MUC6: variants seen among roughly 807,000 people sequenced by gnomAD.
MUC6 encodes mucin 6, oligomeric mucus/gel-forming (gene/pseudogene).
In MUC6, 188 loss-of-function variants were observed where a neutral mutation model predicts 201.5. The ratio of observed to expected loss-of-function variants is 0.93; its 90% CI spans 0.83 to 1.05. The LOEUF (loss-of-function observed/expected upper bound fraction) is 1.05. MUC6 is among the 50% of genes least tolerant of loss of function. The pLI, the probability that MUC6 is intolerant of heterozygous loss-of-function variation, is 0.00. For missense variants in MUC6, 2,706 were observed against 3,256.9 expected, an observed-to-expected ratio of 0.83 and a Z score of 4.12; for synonymous variants, 1,228 against 1,389.4, an observed-to-expected ratio of 0.88 and a Z score of 2.58.
chr11:1,020,225 C>T lies in MUC6; in HGVS notation c.3673G>A (p.Gly1225Arg). The T allele has an allele frequency of 6.2e-7, 1 of 1,610,126 alleles. No homozygotes were observed. The highest frequency in any genetic ancestry group is 8.5e-7 in the Non-Finnish European group (1 of 1,178,870). Residue 1225 changes from glycine (G) to arginine (R), a missense_variant, in exon 29 of 33, where the codon GGA (glycine) becomes AGA (arginine). By Grantham distance (125) the Gly-to-Arg change is moderately radical. Around this residue, in one of 10 missense-constraint regions of MUC6, gnomAD observed 1,850 missense variants for 1,958.3 expected, o/e 0.94. Coordinates refer to ENST00000421673, the MANE Select transcript of MUC6 (RefSeq NM_005961.3). ...AGAAGCCCGATGGTGGTGGAGGTTC[C>T]CGTCATGGGCCAGACTTGCGTGGGC... ...SRPTQVWPMT[G>R]TSTTIGLLSS...
chr11:1,036,367 C>T (rs753154443), intron 1 of MUC6, among the ~76,000 whole-genome samples: 17 of 152,152 alleles, frequency 1.1e-4, no homozygotes, highest in Non-Finnish European at 2.1e-4. Context: ...CACAGGAGGG[C>T]GTCCCTGCCC....
chr11:1,015,409 C>T (rs1458624157), intron 31 of MUC6, among the ~76,000 whole-genome samples: 4 of 152,202 alleles, frequency 2.6e-5, no homozygotes, highest in Non-Finnish European at 5.9e-5. Flanking sequence ...CTGACATCCT[C>T]TGAGCAACCA....
In MUC6 at chr11:1,016,648, C is replaced by G; in HGVS notation, c.6153G>C (p.Thr2051=). 1 of 1,604,390 alleles carries G rather than the reference C, an allele frequency of 6.2e-7. No homozygotes were observed. Among genetic ancestry groups the G allele is most frequent in the East Asian group, 2.2e-5 (1 of 44,886 alleles). ...TGTGGGTGGACCCTGTGGCCTTGAG[C>G]GTTGTTGGTGGAGGAACGGTGCCTG... The part of the protein sequence containing the change: ...TPTGTVPPPT[T]LKATGSTHTA... Residue 2051 remains threonine, a synonymous_variant, in exon 31 of 33, where the codon ACG becomes ACC. Coordinates refer to ENST00000421673, the MANE Select transcript of MUC6 (RefSeq NM_005961.3).
intron 1 of MUC6, among the ~76,000 whole-genome samples, chr11:1,034,852 G>A (rs1250286830): frequency 5.9e-5 from 9 of 152,154 alleles, no homozygotes; most frequent in South Asian, 4.1e-4. Context: ...CGCCGCCCTC[G>A]CCCTGCCCCA....
At position 1,016,580 on chromosome 11, in the gene MUC6, G is replaced by A. The variant is rs781421526; in HGVS notation, c.6221C>T (p.Thr2074Ile). ...MTVTTSGTSQ[T>I]HSSFSTATAS... is the part of the protein sequence containing the mutation. ...TGTAGCTGTGCTGAATGAGCTGTGGGTTTGGCTGGTCCCACTGGTGGTCAC... is the reference window on the plus strand; with the variant it reads ...TGTAGCTGTGCTGAATGAGCTGTGGATTTGGCTGGTCCCACTGGTGGTCAC... Residue 2074 changes from threonine (T) to isoleucine (I), a missense_variant, in exon 31 of 33, where the codon ACC becomes ATC. Thr to Ile is a moderately conservative substitution (Grantham distance 89). Transcript: ENST00000421673. 1 of 1,613,604 alleles carries A rather than the reference G, an allele frequency of 6.2e-7. No homozygotes were observed. Among genetic ancestry groups the A allele is most frequent in the Admixed American group, 1.7e-5 (1 of 60,014 alleles).
intron 7 of MUC6, 31 bp from the exon 8 acceptor site, chr11:1,030,366 T>TGCCCCCCCCCCCCCCCC: frequency 1.5e-5 from 22 of 1,489,540 alleles, no homozygotes; most frequent in East Asian, 2.5e-5. Flanking sequence ...GGTGAGAGGG[T>TGCCCCCCCCCCCCCCCC]CCCACCCCCC....
rs1857220070 is a variant in MUC6, at chr11:1,036,544, C to A, written c.52+60G>T. ...GTCGAGGCGAGAAGGCCCAGAGACC[C>A]CCGCACACAGGGCCCCTCTGAGGGC... On this transcript the variant is annotated intron_variant, in intron 1 of 32. Coordinates refer to ENST00000421673, the MANE Select transcript of MUC6 (RefSeq NM_005961.3). 3.9e-6 allele frequency: 6 copies of A among 1,534,280 alleles called. No homozygotes were observed. The South Asian group carries it at 7.2e-5, about 18-fold the overall frequency.
rs967744230 is a variant in MUC6 at position 1,033,517 on chromosome 11, C to T, written c.53-442G>A. 3.9e-5 allele frequency among the ~76,000 whole-genome samples: 6 copies of T among 151,916 alleles called. No individual in the cohort carries two copies. Among genetic ancestry groups the T allele is most frequent in the Admixed American group, 1.3e-4 (2 of 15,258 alleles). On this transcript the variant is annotated intron_variant, in intron 1 of 32. Coordinates refer to ENST00000421673, the MANE Select transcript of MUC6 (RefSeq NM_005961.3). The surrounding 1 kb of genome is among the most constrained non-coding windows in gnomAD (Gnocchi z 5.6). ...CCCTGAGGGGTCTGCGCCAAGGCCC[C>T]ACAGCCGGTTCTCCCTGCTCTCGGT...
At chr11:1,026,801 G>T in intron 19 of MUC6, 140 bp downstream of exon 19, 1 of 953,558 alleles carries the variant, frequency 1.0e-6, no homozygotes, top group Non-Finnish European at 1.5e-6. Flanking sequence ...CCTGGCCACA[G>T]GGCCGCTTCC....
In MUC6 at chr11:1,033,219, C is replaced by T; in HGVS notation, c.53-144G>A. 2.7e-6 allele frequency: 2 copies of T among 752,120 alleles called. No homozygotes were observed. Among genetic ancestry groups the T allele is most frequent in the South Asian group, 1.5e-5 (1 of 64,578 alleles). The allele number at this position is 752,120 out of a possible 1,614,324, so 46.6% of individuals were successfully genotyped here. A position where few individuals can be genotyped will look rare whatever the true frequency, so the allele number is the denominator to read the frequency against. ...GTCCATGGCCCGTGGGGCTCGAGGC[C>T]TCAACAGCAAGCCAAGCGCTTGGCC... On this transcript the variant is annotated intron_variant, in intron 1 of 32. Transcript: ENST00000421673. This position sits in a 1 kb window ranked among gnomAD's most constrained non-coding sequence, Gnocchi z 5.6.
chr11:1,023,620 G>T lies in MUC6; in HGVS notation c.3415C>A (p.Gln1139Lys). 6.2e-7 allele frequency: 1 copy of T among 1,613,008 alleles called. No homozygotes were observed. The highest frequency in any genetic ancestry group is 8.5e-7 in the Non-Finnish European group (1 of 1,179,854). Residue 1139 changes from glutamine to lysine, a missense_variant, in exon 26 of 33, where the codon CAG (glutamine) becomes AAG (lysine). Transcript: ENST00000421673. ...TACTGGTACTCGCCATGGCCGTCCTGCGTGTGCGTGTTGTAGAAGCCGCAG... is the reference window on the plus strand; with the variant it reads ...TACTGGTACTCGCCATGGCCGTCCTTCGTGTGCGTGTTGTAGAAGCCGCAG... The part of the protein sequence containing the change: ...IYCGFYNTHT[Q>K]DGHGEYQYTQ...
At position 1,015,789 on chromosome 11, in the gene MUC6, G is replaced by A. The variant is rs771349564; in HGVS notation, c.7012C>T (p.Leu2338Phe). 1.9e-6 allele frequency: 3 copies of A among 1,549,488 alleles called. No homozygotes were observed. The African/African-American group carries it at 4.1e-5, about 21-fold the overall frequency. Residue 2338 changes from leucine to phenylalanine, a missense_variant, in exon 31 of 33, where the codon CTC (leucine) becomes TTC (phenylalanine). Leu to Phe is a conservative substitution (Grantham distance 22, BLOSUM62 0). Coordinates refer to ENST00000421673, the MANE Select transcript of MUC6 (RefSeq NM_005961.3). The stretch of plus-strand genomic sequence containing the variant: ...GGTGAGGTGGGCGTAGGTGTCCCGA[G>A]AGAAGATACCGGGGCAGAAGCAGGG... ...STPASAPVSS[L>F]GTPTPTSPGV...
chr11:1,015,720 C>T, intron 31 of MUC6, 42 bp downstream of exon 31: 2 of 1,511,720 alleles, frequency 1.3e-6, no homozygotes, highest in South Asian at 1.4e-5. Flanking sequence ...GTCATGAGCA[C>T]AGAGGTGAGG....
chr11:1,023,505 G>A lies in MUC6; in HGVS notation c.3526+4C>T, dbSNP rs372324096. On this transcript the variant is annotated splice_donor_region_variant and intron_variant, in intron 26 of 32. Coordinates refer to ENST00000421673, the MANE Select transcript of MUC6 (RefSeq NM_005961.3). ...ATCTGCGTTGCCTCCCGGTCACCTG[G>A]CACCTTCGATGTTGCTGCCTGGGAC... 1.9e-6 allele frequency: 3 copies of A among 1,572,172 alleles called. No homozygotes were observed. The South Asian group carries it at 3.5e-5, about 18-fold the overall frequency.
At position 1,015,888 on chromosome 11, in the gene MUC6, TG is replaced by T; in HGVS notation, c.6912del (p.Thr2305ProfsTer15). 6.2e-7 allele frequency: 1 copy of T among 1,607,416 alleles called. No individual in the cohort carries two copies. Among genetic ancestry groups the T allele is most frequent in the Non-Finnish European group, 8.5e-7 (1 of 1,176,300 alleles). On this transcript the variant is annotated frameshift_variant, in exon 31 of 33. Coordinates refer to ENST00000421673, the MANE Select transcript of MUC6 (RefSeq NM_005961.3). LOFTEE classifies it high-confidence loss of function. ...GIPTSPVTNLTTRHPGPTLSP... is the reference protein window; with the variant it reads ...GIPTSPVTNLXTRHPGPTLSP... ...GACAAGGTGGGACCAGGGTGCCTGG[TG>T]GTAAGGTTGGTGACTGGAGAGGTGG...
Position 1,030,994 on chromosome 11 carries a change from A to C in MUC6, c.637T>G (p.Cys213Gly). The C allele has an allele frequency of 6.3e-7, 1 of 1,585,856 alleles. No homozygotes were observed. Among genetic ancestry groups the C allele is most frequent in the Non-Finnish European group, 8.6e-7 (1 of 1,167,448 alleles). ...LQKLDDPGEI[C>G]TFQDIPSTHV... ...GTGCTGGGGATGTCCTGGAAGGTGC[A>C]GATCTCGCCGGGGTCGTCCAGCTTC... The change falls in exon 6 of 33, where the codon TGC (cysteine) becomes GGC (glycine). Residue 213 changes from cysteine (C) to glycine (G), a missense_variant. Physicochemically the swap from Cys to Gly is radical, Grantham distance 159 (BLOSUM62 -3). Around this residue, in one of 10 missense-constraint regions of MUC6, gnomAD observed 1,850 missense variants for 1,958.3 expected, o/e 0.94. Transcript: ENST00000421673.
At chr11:1,019,974 T>A in intron 29 of MUC6, 116 bp downstream of exon 29, 1 of 1,321,080 alleles carries the variant, frequency 7.6e-7, no homozygotes, top group Non-Finnish European at 1.1e-6. Flanking sequence ...ACGCTGGGAA[T>A]CTGCTTAGTG....
At chr11:1,023,917 G>T in intron 25 of MUC6, 30 bp downstream of exon 25, 1 of 1,606,660 alleles carries the variant, frequency 6.2e-7, no homozygotes, top group Non-Finnish European at 8.5e-7. Flanking sequence ...GCAGGGGCTG[G>T]AGCAACCTGT....
intron 32 of MUC6, 68 bp from the exon 33 acceptor site, chr11:1,013,701 G>A (rs2133809143): frequency 6.6e-7 from 1 of 1,504,014 alleles, no homozygotes; most frequent in Non-Finnish European, 9.0e-7. Flanking sequence ...CCCTCCCCAG[G>A]GCAGCTGCTC....
Sources: allele counts gnomAD v4.1 joint callset (sites outside exome capture counted in the v4.1 genomes callset), GRCh38; gene constraint gnomAD v4.1.1; regional missense constraint gnomAD v4.1.1; non-coding constraint Gnocchi (gnomAD v3.1); transcripts MANE v1.5; gene names NCBI Gene and HGNC (gene_info 2026-07-23, HGNC 2026-07-21).